DOK6: variants seen among roughly 807,000 people sequenced by gnomAD.
DOK6 encodes docking protein 6, also known as downstream of tyrosine kinase 6.
Under a neutral mutation model 44.0 loss-of-function variants are expected in DOK6, and 22 were observed. The observed-to-expected ratio is 0.50, with a 90% confidence interval of 0.36 to 0.71. The LOEUF (loss-of-function observed/expected upper bound fraction) is 0.71, where lower values mean the gene tolerates loss of function less well. DOK6 is among the 30% of genes least tolerant of loss of function. DOK6 has a pLI of 0.00. For missense variants in DOK6, 340 were observed against 416.4 expected (o/e 0.82, Z 1.60); for synonymous variants, 166 against 145.5 (o/e 1.14, Z -1.01).
chr18:69,713,134 A>G (rs922949520), intron 5 of DOK6, among the ~76,000 whole-genome samples: 3 of 152,206 alleles, frequency 2.0e-5, no homozygotes, highest in African/African-American at 7.2e-5. Flanking sequence ...ATCACAATCT[A>G]TCCCTAGCCA....
chr18:69,579,721 G>A (rs1022197851), intron 2 of DOK6, among the ~76,000 whole-genome samples: 1 of 151,880 alleles, frequency 6.6e-6, no homozygotes, highest in South Asian at 2.1e-4. Context: ...CCACCACCAC[G>A]CCCAGCTAAT....
chr18:69,586,572 C>T (rs1251091665), intron 2 of DOK6, among the ~76,000 whole-genome samples: 1 of 152,238 alleles, frequency 6.6e-6, no homozygotes, highest in Non-Finnish European at 1.5e-5. Context: ...TGAATGACCT[C>T]TTCTGCAGGT....
At chr18:69,824,788 C>A (rs183693589) in intron 7 of DOK6, among the ~76,000 whole-genome samples, 1 of 152,138 alleles carries the variant, frequency 6.6e-6, no homozygotes, top group Admixed American at 6.5e-5. Flanking sequence ...AGATTGGTAC[C>A]GCCCTGTCCT....
chr18:69,783,540 C>A (rs1341982106), intron 7 of DOK6, among the ~76,000 whole-genome samples: 4 of 152,106 alleles, frequency 2.6e-5, no homozygotes, highest in African/African-American at 4.8e-5. Flanking sequence ...CTGGTATGAT[C>A]CAGGTGCTGA....
At chr18:69,808,924 A>G (rs1444158409) in intron 7 of DOK6, among the ~76,000 whole-genome samples, 1 of 151,830 alleles carries the variant, frequency 6.6e-6, no homozygotes, top group East Asian at 1.9e-4. Flanking sequence ...AGAAGAAGAG[A>G]AAATACTTGC....
chr18:69,629,042 T>C (rs909011716), intron 3 of DOK6, among the ~76,000 whole-genome samples: 6 of 152,206 alleles, frequency 3.9e-5, no homozygotes, highest in African/African-American at 1.4e-4. Context: ...GCAAAAAGTG[T>C]CAATTTAGTC....
intron 1 of DOK6, among the ~76,000 whole-genome samples, chr18:69,468,424 T>G (rs979265740): frequency 6.6e-6 from 1 of 152,130 alleles, no homozygotes; most frequent in Non-Finnish European, 1.5e-5. Context: ...CCCCTATAAA[T>G]TAAAAATAAA....
intron 1 of DOK6, among the ~76,000 whole-genome samples, chr18:69,534,650 C>T (rs1982071907): frequency 6.6e-6 from 1 of 151,950 alleles, no homozygotes; most frequent in South Asian, 2.1e-4. Flanking sequence ...AAAATCCCAG[C>T]TCTGTCATGT....
At chr18:69,402,479 A>G (rs1158672682) in intron 1 of DOK6, among the ~76,000 whole-genome samples, 2 of 152,236 alleles carry the variant, frequency 1.3e-5, no homozygotes, top group African/African-American at 2.4e-5. Flanking sequence ...AAGATAAGGT[A>G]GAATCCCCGA....
chr18:69,603,647 T>C (rs1337552354), intron 3 of DOK6, among the ~76,000 whole-genome samples: 1 of 151,816 alleles, frequency 6.6e-6, no homozygotes, highest in African/African-American at 2.4e-5. Flanking sequence ...GGCGGGCGCC[T>C]GTAGTCCCAC....
intron 1 of DOK6, among the ~76,000 whole-genome samples, chr18:69,494,369 G>C (rs1980821117): frequency 6.6e-6 from 1 of 152,082 alleles, no homozygotes; most frequent in Non-Finnish European, 1.5e-5. Flanking sequence ...CCAGCTATTT[G>C]GCAGGCTGAG....
chr18:69,529,868 A>G (rs1046122575), intron 1 of DOK6, among the ~76,000 whole-genome samples: 1 of 152,214 alleles, frequency 6.6e-6, no homozygotes, highest in African/African-American at 2.4e-5. Flanking sequence ...TATCAAATGT[A>G]TAATAATGAT....
intron 1 of DOK6, among the ~76,000 whole-genome samples, chr18:69,527,894 G>T (rs781605500): frequency 6.6e-6 from 1 of 152,068 alleles, no homozygotes; most frequent in Non-Finnish European, 1.5e-5. Flanking sequence ...CGGGTGCGGT[G>T]GCTCACACCT....
chr18:69,642,198 C>T (rs963982684), intron 3 of DOK6, among the ~76,000 whole-genome samples: 5 of 152,182 alleles, frequency 3.3e-5, no homozygotes, highest in Non-Finnish European at 7.3e-5. Flanking sequence ...ATTTCAGCAT[C>T]TCTTCTAATT....
At chr18:69,494,338 T>C (rs920603270) in intron 1 of DOK6, among the ~76,000 whole-genome samples, 6 of 152,030 alleles carry the variant, frequency 3.9e-5, no homozygotes, top group Admixed American at 3.3e-4. Context: ...TAGCCAGGTG[T>C]GATAGCACAC....
intron 6 of DOK6, among the ~76,000 whole-genome samples, chr18:69,756,212 C>T (rs868482146): frequency 6.6e-6 from 1 of 152,158 alleles, no homozygotes; most frequent in East Asian, 1.9e-4. Context: ...CGTCTCCTGC[C>T]GTTATTATTG....
intron 2 of DOK6, among the ~76,000 whole-genome samples, chr18:69,588,716 G>A (rs545588811): frequency 3.3e-5 from 5 of 152,264 alleles, no homozygotes; most frequent in African/African-American, 1.2e-4. Context: ...TCTGGTAAGA[G>A]TGAAGGAATT....
intron 1 of DOK6, among the ~76,000 whole-genome samples, chr18:69,523,094 C>T (rs1372815270): frequency 6.6e-6 from 1 of 151,988 alleles, no homozygotes; most frequent in Non-Finnish European, 1.5e-5. Flanking sequence ...TTGGTGTTAT[C>T]GGAAATGTGT....
chr18:69,686,984 C>A lies in DOK6; in HGVS notation c.409+9131C>A, dbSNP rs1042011479. 2.2e-4 allele frequency among the ~76,000 whole-genome samples: 34 copies of A among 152,122 alleles called. No individual in the cohort carries two copies. The Middle Eastern group carries it at 0.01, about 46-fold the overall frequency. On this transcript the variant is annotated intron_variant, in intron 4 of 7. Coordinates refer to ENST00000382713, the MANE Select transcript of DOK6 (RefSeq NM_152721.6). ...AATAGTTGTTAAGTTATATCAGACA[C>A]TTAAATAAGAAATAATACTAATGCT...
Sources: allele counts gnomAD v4.1 joint callset (sites outside exome capture counted in the v4.1 genomes callset), GRCh38; gene constraint gnomAD v4.1.1; transcripts MANE v1.5; gene names NCBI Gene and HGNC (gene_info 2026-07-23, HGNC 2026-07-21).